Variants in PRKAR2B observed in about 807,000 individuals in gnomAD.
PRKAR2B encodes protein kinase cAMP-dependent type II regulatory subunit beta.
PRKAR2B carries 14 observed loss-of-function variants against 49.9 expected under a neutral mutation model. The ratio of observed to expected loss-of-function variants is 0.28; its 90% CI spans 0.19 to 0.44. PRKAR2B has a LOEUF of 0.44. Among genes scored for constraint, PRKAR2B ranks in the 20% least tolerant of loss-of-function variants. PRKAR2B has a pLI of 1.00. For missense variants in PRKAR2B, 393 were observed against 537.9 expected (o/e 0.73, Z 2.67); for synonymous variants, 196 against 197.7 (o/e 0.99, Z 0.07).
intron 1 of PRKAR2B, among the ~76,000 whole-genome samples, chr7:107,050,932 G>A (rs1178278992): frequency 2.6e-5 from 4 of 152,170 alleles, no homozygotes; most frequent in African/African-American, 7.2e-5. Context: ...CTGGCTTCAA[G>A]CAGTCCTTTT....
intron 1 of PRKAR2B, among the ~76,000 whole-genome samples, chr7:107,051,762 C>T (rs1462353240): frequency 6.6e-6 from 1 of 152,024 alleles, no homozygotes; most frequent in Admixed American, 6.6e-5. Flanking sequence ...AAAAGTCTTT[C>T]CAGTTGCTGC....
chr7:107,045,356 A>C (rs1302860340), intron 1 of PRKAR2B, 142 bp downstream of exon 1: 24 of 672,786 alleles, frequency 3.6e-5, no homozygotes, highest in Non-Finnish European at 4.9e-5. Context: ...CATCTCGCCC[A>C]CCCCCTCAGC....
chr7:107,125,820 G>A (rs934446657), intron 3 of PRKAR2B, among the ~76,000 whole-genome samples: 2 of 152,060 alleles, frequency 1.3e-5, no homozygotes, highest in East Asian at 1.9e-4. Context: ...TGGGTGCAGC[G>A]GCTCATGCCT....
chr7:107,074,683 AG>A (rs1794359953), intron 2 of PRKAR2B, among the ~76,000 whole-genome samples: 1 of 152,042 alleles, frequency 6.6e-6, no homozygotes, highest in South Asian at 2.1e-4. Flanking sequence ...CCTGTAATCC[AG>A]CTACTTGGGA....
intron 2 of PRKAR2B, among the ~76,000 whole-genome samples, chr7:107,111,915 G>A (rs904231211): frequency 2.0e-5 from 3 of 147,058 alleles, no homozygotes; most frequent in East Asian, 2.0e-4. Context: ...GCCAGTAATC[G>A]TAGCATGTTT....
chr7:107,092,969 C>G (rs975386126), intron 2 of PRKAR2B, among the ~76,000 whole-genome samples: 1 of 152,190 alleles, frequency 6.6e-6, no homozygotes, highest in South Asian at 2.1e-4. Context: ...AGGACTCATG[C>G]AATATTTATC....
chr7:107,101,875 C>CTTTTTTTTTTTTTTTTTTTTTTTTCT, intron 2 of PRKAR2B, among the ~76,000 whole-genome samples: 1 of 94,256 alleles, frequency 1.1e-5, no homozygotes, highest in Non-Finnish European at 2.0e-5. Context: ...AGCCCTGATC[C>CTTTTTTTTTTTTTTTTTTTTTTTTCT]TTTTTTTTTT....
At chr7:107,158,885 C>G (rs1796146057) in intron 10 of PRKAR2B, among the ~76,000 whole-genome samples, 2 of 152,098 alleles carry the variant, frequency 1.3e-5, no homozygotes, top group Admixed American at 1.3e-4. Flanking sequence ...TATTATAAAT[C>G]CAGTTTTAAA....
At chr7:107,141,259 G>A (rs1043295724) in intron 5 of PRKAR2B, among the ~76,000 whole-genome samples, 2 of 152,190 alleles carry the variant, frequency 1.3e-5, no homozygotes, top group South Asian at 4.1e-4. Context: ...AGTAGTATTA[G>A]TATGTACTAG....
intron 1 of PRKAR2B, among the ~76,000 whole-genome samples, chr7:107,058,048 G>A (rs1480665772): frequency 5.5e-5 from 8 of 145,262 alleles, no homozygotes; most frequent in African/African-American, 1.9e-4. Context: ...TAAATAGTCC[G>A]ACTTGGAAAA....
intron 2 of PRKAR2B, among the ~76,000 whole-genome samples, chr7:107,099,492 C>T (rs1196387904): frequency 3.9e-5 from 6 of 152,248 alleles, no homozygotes; most frequent in East Asian, 1.9e-4. Context: ...CGCCCTGCAC[C>T]GTGGGCCGCA....
chr7:107,090,769 C>T (rs753194816), intron 2 of PRKAR2B, among the ~76,000 whole-genome samples: 3 of 152,136 alleles, frequency 2.0e-5, no homozygotes, highest in Non-Finnish European at 2.9e-5. Context: ...GCAGGTGACC[C>T]GTTTGGATGT....
chr7:107,096,775 G>A (rs1794847130), intron 2 of PRKAR2B, among the ~76,000 whole-genome samples: 1 of 152,172 alleles, frequency 6.6e-6, no homozygotes, highest in Admixed American at 6.5e-5. Flanking sequence ...GTACCCAGTA[G>A]TCATTCAGGA....
chr7:107,074,523 G>A (rs901682315), intron 2 of PRKAR2B, among the ~76,000 whole-genome samples: 19 of 152,114 alleles, frequency 1.2e-4, no homozygotes, highest in African/African-American at 4.6e-4. Flanking sequence ...TGGTGGCTGG[G>A]CGCTGTGGTA....
In PRKAR2B at chr7:107,159,573, C is replaced by A. The variant is rs1189282659; in HGVS notation, c.1248C>A (p.Pro416=). Residue 416 remains proline, a synonymous_variant, in exon 11 of 11, where the codon CCC becomes CCA. Transcript: ENST00000265717. ...LFGTNMDIVE[P]TA ...GAACGAACATGGATATTGTTGAACC[C>A]ACTGCATGAAGCAAAAGTATGGAGC... 6.2e-7 allele frequency: 1 copy of A among 1,613,870 alleles called. No individual in the cohort carries two copies. The highest frequency in any genetic ancestry group is 8.5e-7 in the Non-Finnish European group (1 of 1,179,932).
intron 8 of PRKAR2B, 131 bp from the exon 9 acceptor site, chr7:107,156,853 C>T (rs1483989546): frequency 6.5e-6 from 5 of 768,088 alleles, no homozygotes; most frequent in African/African-American, 5.3e-5. Flanking sequence ...AGCTTGTTCC[C>T]TTAGGATTTC....
intron 1 of PRKAR2B, chr7:107,067,396 T>A (rs1272075586): frequency 6.6e-6 from 1 of 152,278 alleles, no homozygotes; most frequent in Admixed American, 6.5e-5. Flanking sequence ...CAAAACCCAG[T>A]ATTTACCTTA....
intron 2 of PRKAR2B, among the ~76,000 whole-genome samples, chr7:107,093,561 T>C (rs977945019): frequency 1.3e-5 from 2 of 151,914 alleles, no homozygotes; most frequent in Non-Finnish European, 2.9e-5. Context: ...GTGTACAACG[T>C]GCAGATTTGT....
intron 2 of PRKAR2B, among the ~76,000 whole-genome samples, chr7:107,118,238 C>T (rs1795315634): frequency 6.6e-6 from 1 of 152,144 alleles, no homozygotes; most frequent in South Asian, 2.1e-4. Flanking sequence ...ACAAAAGGCT[C>T]TCATTTTCAC....
Sources: allele counts gnomAD v4.1 joint callset (sites outside exome capture counted in the v4.1 genomes callset), GRCh38; gene constraint gnomAD v4.1.1; transcripts MANE v1.5; gene names NCBI Gene and HGNC (gene_info 2026-07-23, HGNC 2026-07-21).